Variants in FYB2 observed in about 807,000 individuals in gnomAD.
FYB2 encodes the protein FYN-binding protein 2.
Under a neutral mutation model 94.1 loss-of-function variants are expected in FYB2, and 103 were observed. That is an observed-to-expected ratio of 1.09 (90% CI 0.93 to 1.29). FYB2 has a LOEUF of 1.29. Ranked by LOEUF, FYB2 falls within the 50% of genes most tolerant of loss-of-function variation. The pLI is 0.00. For missense variants in FYB2, 896 were observed against 841.5 expected (o/e 1.06, Z -0.80); for synonymous variants, 293 against 287.9 (o/e 1.02, Z -0.18).
At chr1:56,732,982 G>A (rs753998340) in intron 15 of FYB2, among the ~76,000 whole-genome samples, 4 of 151,936 alleles carry the variant, frequency 2.6e-5, no homozygotes, top group Non-Finnish European at 5.9e-5. Flanking sequence ...ATCAACAAAT[G>A]GGATTTCAGC....
chr1:56,740,481 G>A (rs1644925942), intron 13 of FYB2, among the ~76,000 whole-genome samples: 1 of 151,952 alleles, frequency 6.6e-6, no homozygotes, highest in Non-Finnish European at 1.5e-5. Flanking sequence ...CCCTTTCTCT[G>A]CCATTTTTTC....
chr1:56,825,666 C>T, the FYB2 span, among the ~76,000 whole-genome samples: 116 of 152,240 alleles, frequency 7.6e-4, no homozygotes, highest in African/African-American at 2.7e-3. Flanking sequence ...ATAACAAGCG[C>T]CCCCACTTTG....
At position 56,723,549 on chromosome 1, in the gene FYB2, GT is replaced by G. The variant is rs767795542; in HGVS notation, c.1974+38del. The G allele has an allele frequency of 5.6e-6, 7 of 1,240,392 alleles. No homozygotes were observed. In the South Asian group the frequency reaches 9.9e-5, roughly 18 times the overall value. 76.8% of individuals were successfully genotyped at this position (1,240,392 alleles called of 1,614,324 possible). A position where few individuals can be genotyped will look rare whatever the true frequency, so the allele number is the denominator to read the frequency against. ...TTTTTTTAAATGAAAGCTCCTAGCT[GT>G]TAATATTGCTAATTTTTACCTTCAG... On this transcript the variant is annotated intron_variant, in intron 17 of 19. Transcript: ENST00000343433.
chr1:56,754,075 G>A (rs2100710273), intron 7 of FYB2, 140 bp from the exon 8 acceptor site: 1 of 620,952 alleles, frequency 1.6e-6, no homozygotes, highest in Middle Eastern at 4.5e-4. Flanking sequence ...AAGGGACTAG[G>A]ATCAGATCAA....
intron 6 of FYB2, among the ~76,000 whole-genome samples, chr1:56,756,205 A>G (rs2298127): frequency 6.6e-6 from 1 of 152,018 alleles, no homozygotes; most frequent in African/African-American, 2.4e-5. Flanking sequence ...CTTTCCCAAA[A>G]TGCATCGGAA....
intron 1 of FYB2, among the ~76,000 whole-genome samples, chr1:56,816,333 C>G (rs1162706657): frequency 6.6e-6 from 1 of 152,138 alleles, no homozygotes; most frequent in Non-Finnish European, 1.5e-5. Context: ...CTGTAACTGT[C>G]AAGCAGAATG....
At chr1:56,791,102 G>A (rs1646252894) in intron 2 of FYB2, among the ~76,000 whole-genome samples, 1 of 152,080 alleles carries the variant, frequency 6.6e-6, no homozygotes, top group Non-Finnish European at 1.5e-5. Flanking sequence ...TCTATTCCAA[G>A]TACAAACAGA....
intron 1 of FYB2, among the ~76,000 whole-genome samples, chr1:56,813,814 AT>A (rs1646820814): frequency 6.6e-6 from 1 of 152,158 alleles, no homozygotes; most frequent in Admixed American, 6.5e-5. Context: ...TATAGGTACT[AT>A]TTTTTCCTTT....
chr1:56,736,967 A>T, intron 15 of FYB2, 120 bp downstream of exon 15: 1 of 784,576 alleles, frequency 1.3e-6, no homozygotes, highest in Non-Finnish European at 2.1e-6. Context: ...AGACTATCTT[A>T]AGTTGACTTT....
At chr1:56,813,071 G>A (rs1646803959) in intron 1 of FYB2, among the ~76,000 whole-genome samples, 1 of 152,188 alleles carries the variant, frequency 6.6e-6, no homozygotes, top group Non-Finnish European at 1.5e-5. Flanking sequence ...CTGTCTTCAT[G>A]TTCACATGGT....
rs1448045981 is a variant in FYB2 at position 56,719,409 on chromosome 1, C to CACAT, written c.*258_*261dup. 7.4e-6 allele frequency: 3 copies of CACAT among 404,760 alleles called. No individual in the cohort carries two copies. The highest frequency in any genetic ancestry group is 1.3e-5 in the Non-Finnish European group (3 of 227,252). 25.1% of individuals were successfully genotyped at this position (404,760 alleles called of 1,614,324 possible). ...CATTAAATAAGTGCTCAAATGCTAA[C>CACAT]ACATACTGTTTCACATTCTCTTGAA... is the stretch of plus-strand genomic sequence containing the variant. On this transcript the variant is annotated 3_prime_UTR_variant, in exon 20 of 20. Transcript: ENST00000343433.
chr1:56,761,614 G>C (rs1357821879), intron 5 of FYB2, among the ~76,000 whole-genome samples: 1 of 152,140 alleles, frequency 6.6e-6, no homozygotes, highest in Non-Finnish European at 1.5e-5. Flanking sequence ...CCTGAATCAT[G>C]TATGCCCAAT....
intron 4 of FYB2, among the ~76,000 whole-genome samples, chr1:56,773,015 C>T (rs1645796336): frequency 1.3e-5 from 2 of 152,116 alleles, no homozygotes; most frequent in South Asian, 4.1e-4. Flanking sequence ...GTTAATGTTT[C>T]TTAGTGATAT....
Position 56,792,359 on chromosome 1 carries a change from C to T in FYB2, c.454G>A (p.Glu152Lys), listed in dbSNP as rs1395209466. Residue 152 changes from glutamate (E) to lysine (K), a missense_variant, in exon 2 of 20, where the codon GAA (glutamate) becomes AAA (lysine). Physicochemically the swap from Glu to Lys is moderately conservative, Grantham distance 56. Coordinates refer to ENST00000343433, the MANE Select transcript of FYB2 (RefSeq NM_001004303.5). ...GCAAGGAGAAGGGCTGAAGACATTT[C>T]ACTTTTCTGAGATGAAACCTTCTCC... ...NWEKVSSQKS[E>K]MSSALLLANY... The T allele has an allele frequency of 6.2e-7, 1 of 1,614,102 alleles. No individual in the cohort carries two copies.
At position 56,753,834 on chromosome 1, in the gene FYB2, G is replaced by C. The variant is rs747139576; in HGVS notation, c.1227+5C>G. Reference sequence around the variant, plus strand: ...TAAACTGCAGGAACCGTAGAACATAGGTACCTTGAAAACATGGTTTGAATA... The same window carrying C: ...TAAACTGCAGGAACCGTAGAACATACGTACCTTGAAAACATGGTTTGAATA... On this transcript the variant is annotated splice_donor_5th_base_variant and intron_variant, in intron 8 of 19. Transcript: ENST00000343433. The C allele has an allele frequency of 6.3e-7, 1 of 1,591,768 alleles. No homozygotes were observed. The highest frequency in any genetic ancestry group is 8.6e-7 in the Non-Finnish European group (1 of 1,160,376).
At chr1:56,737,640 A>C (rs888587649) in intron 14 of FYB2, 1 of 152,418 alleles carries the variant, frequency 6.6e-6, no homozygotes, top group African/African-American at 2.4e-5. Flanking sequence ...CATAATGTTG[A>C]ATCTGACTCA....
intron 15 of FYB2, among the ~76,000 whole-genome samples, chr1:56,731,583 T>G (rs75327084): frequency 0.014 from 2,173 of 152,162 alleles, 42 homozygotes; most frequent in African/African-American, 0.05. Flanking sequence ...GGCTTCATCA[T>G]GTGAAGCCGG....
Position 56,792,053 on chromosome 1 carries a change from T to G in FYB2, c.757+3A>C. On this transcript the variant is annotated splice_donor_region_variant and intron_variant, in intron 2 of 19. Transcript: ENST00000343433. ...CCTGTCCCATGGGGATCACGTTTGT[T>G]ACCTGGGGCCTGACTGGCAAGCTCA... 1.3e-6 allele frequency: 2 copies of G among 1,565,822 alleles called. No homozygotes were observed. The highest frequency in any genetic ancestry group is 1.7e-6 in the Non-Finnish European group (2 of 1,161,944).
rs1453236717 is a variant in FYB2, at chr1:56,777,239, CAAAAAAAAAAAAAAAAAAAAAAAAA to C, written c.954-9326_954-9302del. On this transcript the variant is annotated intron_variant, in intron 4 of 19. Coordinates refer to ENST00000343433, the MANE Select transcript of FYB2 (RefSeq NM_001004303.5). ...ACAGAGCGAGACTCCGTCTCAAAAA[CAAAAAAAAAAAAAAAAAAAAAAAAA>C]AAAAAAAAAAGAAAATAGAAGGCCC... 8.3e-4 allele frequency among the ~76,000 whole-genome samples: 4 copies of C among 4,798 alleles called. 2 individuals carry two copies. Among genetic ancestry groups the C allele is most frequent in the Non-Finnish European group, 1.0e-3 (4 of 3,850 alleles). 3.1% of individuals were successfully genotyped at this position (4,798 alleles called of 152,430 possible).
Sources: gnomAD v4.1 joint callset for allele counts (sites outside exome capture counted in the v4.1 genomes callset) on GRCh38, gnomAD v4.1.1 for gene constraint, MANE v1.5 for transcripts, NCBI Gene and HGNC (gene_info 2026-07-23, HGNC 2026-07-21) for gene names.